Variants in CSNK1G3 observed in about 807,000 individuals in gnomAD.
The protein encoded by CSNK1G3 is casein kinase 1 gamma 3, also known as casein kinase I isoform gamma-3.
Under a neutral mutation model 64.3 loss-of-function variants are expected in CSNK1G3, and 23 were observed. The observed-to-expected ratio is 0.36, with a 90% CI of 0.26 to 0.51. The LOEUF (loss-of-function observed/expected upper bound fraction) is 0.51. Among genes scored for constraint, CSNK1G3 ranks in the 20% least tolerant of loss-of-function variants. CSNK1G3 has a pLI of 0.96. For synonymous variants in CSNK1G3, 158 were observed against 162.2 expected, an observed-to-expected ratio of 0.97 and a Z score of 0.20; for missense variants, 357 against 510.5, an observed-to-expected ratio of 0.70 and a Z score of 2.90.
intron 1 of CSNK1G3, among the ~76,000 whole-genome samples, chr5:123,516,426 A>G (rs1466797457): frequency 6.6e-6 from 1 of 152,152 alleles, no homozygotes; most frequent in Admixed American, 6.5e-5. Context: ...CTGCTGTTAG[A>G]CATTTTTTCT....
At chr5:123,545,667 G>A in exon 2 of CSNK1G3, 1 of 1,610,834 alleles carries the variant, frequency 6.2e-7, no homozygotes, top group Middle Eastern at 1.7e-4. Context: ...ACTTGATATG[G>A]AAAATAAAAA....
intron 12 of CSNK1G3, among the ~76,000 whole-genome samples, chr5:123,609,502 A>G (rs1455203744): frequency 6.6e-6 from 1 of 152,142 alleles, no homozygotes; most frequent in Non-Finnish European, 1.5e-5. Flanking sequence ...CAGGACTTTG[A>G]TAGTCTCTAG....
chr5:123,532,387 T>G (rs2150107256), intron 1 of CSNK1G3, among the ~76,000 whole-genome samples: 1 of 152,010 alleles, frequency 6.6e-6, no homozygotes, highest in South Asian at 2.1e-4. Flanking sequence ...TATAACAAGG[T>G]TGGCTTTTAA....
rs934754821 is a variant in CSNK1G3, at chr5:123,524,593, A to G, written c.-248+12023A>G. ...TTCTTATTTTTTGCCTCCGGTTCCT[A>G]TTCCCATACTTTGTGGTTCTTCTCA... On this transcript the variant is annotated intron_variant, in intron 1 of 12. Transcript: ENST00000345990. Among the ~76,000 whole-genome samples the G allele has an allele frequency of 3.3e-5, 5 of 152,012 alleles. No homozygotes were observed. In the South Asian group the frequency reaches 6.2e-4, roughly 19 times the overall value.
chr5:123,553,192 T>A, intron 3 of CSNK1G3, 45 bp downstream of exon 3: 1 of 1,013,632 alleles, frequency 9.9e-7, no homozygotes, highest in Non-Finnish European at 1.4e-6. Context: ...TCTTTGTTAC[T>A]TTTTAAGTAA....
At chr5:123,573,595 A>G in intron 5 of CSNK1G3, 54 bp downstream of exon 5, 6 of 1,457,698 alleles carry the variant, frequency 4.1e-6, no homozygotes, top group Non-Finnish European at 4.6e-6. Flanking sequence ...GTTGTTGGTC[A>G]CAAATTCATA....
At chr5:123,572,549 T>G (rs1032209910) in intron 4 of CSNK1G3, among the ~76,000 whole-genome samples, 1 of 152,166 alleles carries the variant, frequency 6.6e-6, no homozygotes, top group Non-Finnish European at 1.5e-5. Flanking sequence ...ATGTGGAAAT[T>G]AAGGTGTAAG....
At chr5:123,611,384 A>G (rs1190850361) in intron 12 of CSNK1G3, among the ~76,000 whole-genome samples, 1 of 152,220 alleles carries the variant, frequency 6.6e-6, no homozygotes, top group Non-Finnish European at 1.5e-5. Context: ...ATTATTTAAA[A>G]TAGATGTCCT....
chr5:123,587,042 A>G (rs562987152), intron 6 of CSNK1G3, among the ~76,000 whole-genome samples: 85 of 152,270 alleles, frequency 5.6e-4, no homozygotes, highest in South Asian at 1.0e-3. Context: ...CCATGATTCA[A>G]TTACCTCCCA....
At chr5:123,531,714 A>G (rs1164204187) in intron 1 of CSNK1G3, among the ~76,000 whole-genome samples, 2 of 151,944 alleles carry the variant, frequency 1.3e-5, no homozygotes, top group African/African-American at 2.4e-5. Context: ...GAAGTTGTAA[A>G]TATTTTATTA....
intron 4 of CSNK1G3, among the ~76,000 whole-genome samples, chr5:123,572,125 C>T (rs1044091059): frequency 6.6e-6 from 1 of 152,072 alleles, no homozygotes; most frequent in Non-Finnish European, 1.5e-5. Context: ...GTTGTGGTGG[C>T]TTTTGTTCCA....
At chr5:123,549,921 A>G (rs1030744673) in intron 2 of CSNK1G3, among the ~76,000 whole-genome samples, 7 of 152,168 alleles carry the variant, frequency 4.6e-5, no homozygotes, top group Admixed American at 1.3e-4. Context: ...AGCTTCCATA[A>G]CATCTCTTAT....
At chr5:123,611,906 A>G (rs1796397604) in intron 12 of CSNK1G3, among the ~76,000 whole-genome samples, 1 of 152,180 alleles carries the variant, frequency 6.6e-6, no homozygotes, top group Non-Finnish European at 1.5e-5. Flanking sequence ...TTAAATTTAA[A>G]GGTTCATTTG....
At chr5:123,599,542 A>G (rs529660547) in intron 10 of CSNK1G3, among the ~76,000 whole-genome samples, 23 of 152,366 alleles carry the variant, frequency 1.5e-4, no homozygotes, top group African/African-American at 4.3e-4. Flanking sequence ...ATAAAACGTG[A>G]TTAAAAGTCT....
At chr5:123,560,417 A>G (rs1036333984) in intron 4 of CSNK1G3, among the ~76,000 whole-genome samples, 5 of 152,216 alleles carry the variant, frequency 3.3e-5, no homozygotes, top group African/African-American at 1.2e-4. Context: ...GTAATTGTAC[A>G]TTCATGTTCA....
At chr5:123,610,964 C>A (rs567653413) in intron 12 of CSNK1G3, among the ~76,000 whole-genome samples, 1 of 152,194 alleles carries the variant, frequency 6.6e-6, no homozygotes, top group African/African-American at 2.4e-5. Flanking sequence ...AGCTTAAATT[C>A]TAGTGCAAAG....
intron 1 of CSNK1G3, among the ~76,000 whole-genome samples, chr5:123,522,145 G>C (rs1407659413): frequency 6.6e-6 from 1 of 152,124 alleles, no homozygotes; most frequent in East Asian, 1.9e-4. Flanking sequence ...AGAGAATCAA[G>C]TTAAAGTAGT....
chr5:123,561,719 A>G (rs1219154888), intron 4 of CSNK1G3, among the ~76,000 whole-genome samples: 9 of 152,138 alleles, frequency 5.9e-5, no homozygotes, highest in Non-Finnish European at 1.0e-4. Flanking sequence ...GAAATCAGAA[A>G]TTCATATAGC....
chr5:123,563,850 T>C (rs1786277934), intron 4 of CSNK1G3, among the ~76,000 whole-genome samples: 1 of 152,094 alleles, frequency 6.6e-6, no homozygotes, highest in Admixed American at 6.6e-5. Flanking sequence ...AGACTATTGC[T>C]TACTGTATTT....
Sources: allele counts gnomAD v4.1 joint callset (sites outside exome capture counted in the v4.1 genomes callset), GRCh38; gene constraint gnomAD v4.1.1; transcripts MANE v1.5; gene names NCBI Gene and HGNC (gene_info 2026-07-23, HGNC 2026-07-21).